INTS12: variants seen among roughly 807,000 people sequenced by gnomAD.
The protein encoded by INTS12 is PHD finger protein 22.
INTS12 carries 13 observed loss-of-function variants against 41.6 expected under a neutral mutation model. That is an observed-to-expected ratio of 0.31 (90% CI 0.20 to 0.50). The LOEUF is 0.50. INTS12 is among the 20% of genes least tolerant of loss of function. The pLI is 0.98. For missense variants in INTS12, 432 were observed against 541.6 expected (o/e 0.80, Z 2.01); for synonymous variants, 199 against 191.4 (o/e 1.04, Z -0.33).
chr4:105,694,474 C>T (rs557690739), intron 4 of INTS12, among the ~76,000 whole-genome samples: 25 of 152,100 alleles, frequency 1.6e-4, no homozygotes, highest in Admixed American at 2.6e-4. Flanking sequence ...TACAGGTGTG[C>T]GCCACCACAC....
chr4:105,701,010 T>C (rs1732051647), intron 2 of INTS12, among the ~76,000 whole-genome samples: 1 of 152,150 alleles, frequency 6.6e-6, no homozygotes, highest in Admixed American at 6.5e-5. Flanking sequence ...AGGTTAATAT[T>C]GTATTAATGC....
chr4:105,687,849 A>C (rs1191750837), intron 6 of INTS12, among the ~76,000 whole-genome samples: 1 of 152,152 alleles, frequency 6.6e-6, no homozygotes, highest in Non-Finnish European at 1.5e-5. Context: ...GCTACTCAGG[A>C]GGTTGAGGCA....
Position 105,695,531 on chromosome 4 carries a change from C to T in INTS12, c.294G>A (p.Lys98=), listed in dbSNP as rs767603232. Residue 98 remains lysine (K), a synonymous_variant, in exon 4 of 8, where the codon AAG becomes AAA. Coordinates refer to ENST00000340139, the MANE Select transcript of INTS12 (RefSeq NM_020395.4). The part of the protein sequence containing the change: ...TTEKVKKEAE[K]RPADKMKSDI... ...AAAATCTTACTTTATCAGCAGGTCTCTTTTCAGCTTCCTTCTTTACCTTTT... is the reference window on the plus strand; with the variant it reads ...AAAATCTTACTTTATCAGCAGGTCTTTTTTCAGCTTCCTTCTTTACCTTTT... The T allele has an allele frequency of 3.1e-6, 5 of 1,603,454 alleles. No individual in the cohort carries two copies. The African/African-American group carries it at 6.7e-5, about 22-fold the overall frequency.
intron 6 of INTS12, among the ~76,000 whole-genome samples, 178 bp downstream of exon 6, chr4:105,691,798 G>C (rs2149181610): frequency 6.6e-6 from 1 of 152,110 alleles, no homozygotes; most frequent in South Asian, 2.1e-4. Flanking sequence ...CACATAACAT[G>C]GTCTGGTCTT....
intron 2 of INTS12, among the ~76,000 whole-genome samples, chr4:105,701,543 T>A (rs1279549709): frequency 6.6e-6 from 1 of 152,106 alleles, no homozygotes; most frequent in Non-Finnish European, 1.5e-5. Context: ...CCATGTACGT[T>A]CTGAGGAAAA....
intron 6 of INTS12, among the ~76,000 whole-genome samples, chr4:105,689,343 A>C (rs1347014521): frequency 6.6e-6 from 1 of 152,226 alleles, no homozygotes; most frequent in Non-Finnish European, 1.5e-5. Context: ...CCTTGGAACA[A>C]TAACCAATGC....
rs950057647 is a variant in INTS12 at position 105,695,559 on chromosome 4, G to A, written c.266C>T (p.Thr89Ile). The A allele has an allele frequency of 3.7e-6, 6 of 1,612,220 alleles. No homozygotes were observed. The highest frequency in any genetic ancestry group is 2.7e-5 in the African/African-American group (2 of 74,768). Residue 89 changes from threonine (T) to isoleucine (I), a missense_variant, in exon 4 of 8, where the codon ACT becomes ATT. By Grantham distance (89) the Thr-to-Ile change is moderately conservative (BLOSUM62 -1). Transcript: ENST00000340139. ...SGNNNGKVLT[T>I]EKVKKEAEKR... ...TTCAGCTTCCTTCTTTACCTTTTCA[G>A]TTGTGAGGACCTTGCCATTATTATT...
chr4:105,689,219 C>T (rs1731598282), intron 6 of INTS12, among the ~76,000 whole-genome samples: 1 of 152,238 alleles, frequency 6.6e-6, no homozygotes, highest in African/African-American at 2.4e-5. Flanking sequence ...ACGATCACAA[C>T]ATTCTTAACT....
chr4:105,700,209 CT>C (rs947105786), intron 2 of INTS12, 195 bp from the exon 3 acceptor site: 2 of 331,492 alleles, frequency 6.0e-6, no homozygotes, highest in East Asian at 4.6e-5. Flanking sequence ...TTCCTTCCCC[CT>C]GAAACAACTA....
intron 1 of INTS12, among the ~76,000 whole-genome samples, chr4:105,706,937 A>G (rs1252186742): frequency 6.6e-6 from 1 of 152,032 alleles, no homozygotes. Flanking sequence ...CCTGAAACCC[A>G]GTTTTCTTCT....
intron 2 of INTS12, among the ~76,000 whole-genome samples, chr4:105,700,931 A>G (rs1732048584): frequency 6.6e-6 from 1 of 152,172 alleles, no homozygotes; most frequent in Non-Finnish European, 1.5e-5. Context: ...GAAATTATCA[A>G]AATAAAAATG....
intron 3 of INTS12, among the ~76,000 whole-genome samples, chr4:105,698,480 C>A (rs906534119): frequency 6.6e-6 from 1 of 152,112 alleles, no homozygotes; most frequent in African/African-American, 2.4e-5. Flanking sequence ...CTAAGGGCAG[C>A]GTGCTTTTTA....
At chr4:105,705,864 T>C (rs1216456175) in intron 1 of INTS12, 1 of 152,228 alleles carries the variant, frequency 6.6e-6, no homozygotes, top group Non-Finnish European at 1.5e-5. Flanking sequence ...GTAAATAATC[T>C]TTCTTTCTCA....
At chr4:105,708,588 G>C in intron 1 of INTS12, 50 bp downstream of exon 1, 1 of 985,188 alleles carries the variant, frequency 1.0e-6, no homozygotes, top group Non-Finnish European at 1.2e-6. Context: ...CTGGCGCGGG[G>C]GTCTCGAGCC....
At chr4:105,708,589 G>A (rs1732391139) in intron 1 of INTS12, 49 bp downstream of exon 1, 2 of 985,174 alleles carry the variant, frequency 2.0e-6, no homozygotes, top group Non-Finnish European at 2.4e-6. Flanking sequence ...TGGCGCGGGG[G>A]TCTCGAGCCT....
At chr4:105,702,357 C>G (rs865985858) in intron 2 of INTS12, among the ~76,000 whole-genome samples, 1 of 151,892 alleles carries the variant, frequency 6.6e-6, no homozygotes, top group African/African-American at 2.4e-5. Flanking sequence ...AGGATGGTCT[C>G]GATCTCCTGA....
intron 6 of INTS12, among the ~76,000 whole-genome samples, chr4:105,689,739 C>A (rs532377077): frequency 6.6e-6 from 1 of 151,518 alleles, no homozygotes; most frequent in Non-Finnish European, 1.5e-5. Flanking sequence ...TCCATCTCTA[C>A]AAAAAATAAA....
Position 105,683,080 on chromosome 4 carries a change from T to A in INTS12, c.1042A>T (p.Ile348Leu). 1.2e-6 allele frequency: 2 copies of A among 1,614,084 alleles called. No homozygotes were observed. The highest frequency in any genetic ancestry group is 1.7e-6 in the Non-Finnish European group (2 of 1,179,938). ...GGCGTAGTGCTGTTATTGGAACCTA[T>A]TTTGGAACCTATTCCACCTTTGGAT... ...TSSKGGIGSKIGSNNSTTPTV... is the reference protein window; with the variant it reads ...TSSKGGIGSKLGSNNSTTPTV... Residue 348 changes from isoleucine to leucine, a missense_variant, in exon 8 of 8, where the codon ATA becomes TTA. Transcript: ENST00000340139.
chr4:105,691,791 A>G (rs1466628873), intron 6 of INTS12, among the ~76,000 whole-genome samples, 185 bp downstream of exon 6: 7 of 152,242 alleles, frequency 4.6e-5, no homozygotes, highest in African/African-American at 1.7e-4. Flanking sequence ...AAAAATGCAC[A>G]TAACATGGTC....
Sources: allele counts gnomAD v4.1 joint callset (sites outside exome capture counted in the v4.1 genomes callset), GRCh38; gene constraint gnomAD v4.1.1; transcripts MANE v1.5; gene names NCBI Gene and HGNC (gene_info 2026-07-23, HGNC 2026-07-21).